The following TESK2 variants were observed in gnomAD, a reference collection of about 807,000 sequenced individuals.
TESK2 encodes testis associated actin remodelling kinase 2, also known as dual specificity testis-specific protein kinase 2.
In TESK2, 39 loss-of-function variants were observed where a neutral mutation model predicts 57.1. The observed-to-expected ratio is 0.68, with a 90% CI of 0.53 to 0.89. The LOEUF (loss-of-function observed/expected upper bound fraction) is 0.89. TESK2 is among the 40% of genes least tolerant of loss of function. The probability of loss-of-function intolerance (pLI) is 0.00; values close to 1 mark genes in which losing one functional copy is unlikely to be tolerated. For synonymous variants in TESK2, 249 were observed against 267.9 expected (o/e 0.93, Z 0.69); for missense variants, 646 against 732.1 (o/e 0.88, Z 1.36).
chr1:45,429,318 C>T (rs896680446), intron 2 of TESK2, among the ~76,000 whole-genome samples: 1 of 152,020 alleles, frequency 6.6e-6, no homozygotes, highest in African/African-American at 2.4e-5. Context: ...ATCGCTTGAA[C>T]CCGAGAGGCA....
intron 2 of TESK2, among the ~76,000 whole-genome samples, chr1:45,437,181 A>G (rs1651266265): frequency 6.6e-6 from 1 of 152,102 alleles, no homozygotes; most frequent in African/African-American, 2.4e-5. Context: ...AATTCTTCCA[A>G]TCCATGAGCA....
At chr1:45,349,915 G>T (rs778689222) in intron 5 of TESK2, among the ~76,000 whole-genome samples, 1 of 152,196 alleles carries the variant, frequency 6.6e-6, no homozygotes, top group Admixed American at 6.5e-5. Context: ...GCCAAGGCAC[G>T]TGGATCACCT....
intron 1 of TESK2, among the ~76,000 whole-genome samples, chr1:45,471,230 C>CA (rs1557586280): frequency 1.3e-5 from 2 of 151,326 alleles, no homozygotes; most frequent in South Asian, 2.1e-4. Context: ...GACTCCGTCT[C>CA]AAAAAAAAGA....
chr1:45,344,879 T>C lies in TESK2; in HGVS notation c.1677A>G (p.Ser559=). 6.2e-7 allele frequency: 1 copy of C among 1,613,634 alleles called. No individual in the cohort carries two copies. Among genetic ancestry groups the C allele is most frequent in the Non-Finnish European group, 8.5e-7 (1 of 1,179,998 alleles). ...AGSTPATFST[S]GIGLQTQGKQ... is the part of the protein sequence containing the mutation. ...TTCCCTGGGTTTGCAGGCCTATGCC[T>C]GAGGTGGAGAAGGTGGCTGGAGTTG... The change falls in exon 11 of 11, where the codon TCA becomes TCG. Residue 559 remains serine (S), a synonymous_variant. Transcript: ENST00000372086.
chr1:45,382,598 C>T (rs376884705), intron 4 of TESK2, among the ~76,000 whole-genome samples: 10 of 152,206 alleles, frequency 6.6e-5, no homozygotes, highest in East Asian at 1.9e-4. Flanking sequence ...TGGCCGGGCG[C>T]GGTGGCTCAC....
chr1:45,368,371 G>T (rs549166063), intron 4 of TESK2, among the ~76,000 whole-genome samples: 13 of 149,290 alleles, frequency 8.7e-5, no homozygotes, highest in Admixed American at 2.0e-4. Context: ...TGTTTTTTTT[G>T]GTTTTCTTTT....
intron 1 of TESK2, among the ~76,000 whole-genome samples, chr1:45,479,551 C>T (rs1344484871): frequency 6.6e-6 from 1 of 151,930 alleles, no homozygotes; most frequent in Non-Finnish European, 1.5e-5. Context: ...CCTGCCTTAC[C>T]CTCCAAAGCA....
chr1:45,415,845 G>T (rs1650217541), intron 3 of TESK2, among the ~76,000 whole-genome samples: 1 of 152,218 alleles, frequency 6.6e-6, no homozygotes, highest in East Asian at 1.9e-4. Context: ...GAGCAAGCTT[G>T]TCCAACCCAC....
intron 4 of TESK2, among the ~76,000 whole-genome samples, chr1:45,365,062 C>T (rs1647851542): frequency 6.6e-6 from 1 of 152,194 alleles, no homozygotes; most frequent in African/African-American, 2.4e-5. Context: ...TGTTGGTAGG[C>T]TCCAAACACA....
intron 7 of TESK2, 145 bp from the exon 8 acceptor site, chr1:45,347,207 G>A: frequency 1.5e-6 from 1 of 661,882 alleles, no homozygotes. Context: ...CAGTCACTGG[G>A]CAGCTGCCAG....
chr1:45,408,093 G>C (rs1325429384), intron 3 of TESK2, among the ~76,000 whole-genome samples: 2 of 152,182 alleles, frequency 1.3e-5, no homozygotes, highest in African/African-American at 2.4e-5. Context: ...AGGTCTCAAG[G>C]CTTCCTTTTT....
At chr1:45,368,426 C>G (rs1648035808) in intron 4 of TESK2, among the ~76,000 whole-genome samples, 1 of 150,838 alleles carries the variant, frequency 6.6e-6, no homozygotes, top group Non-Finnish European at 1.5e-5. Context: ...CCAGGCTGGG[C>G]TGCAGTGGCG....
chr1:45,351,925 A>G (rs1334707128), intron 5 of TESK2, among the ~76,000 whole-genome samples: 1 of 152,254 alleles, frequency 6.6e-6, no homozygotes, highest in Non-Finnish European at 1.5e-5. Context: ...TGGGAGATAC[A>G]GACACAACAG....
At position 45,377,420 on chromosome 1, in the gene TESK2, A is replaced by ATT. The variant is rs752265198; in HGVS notation, c.393+8490_393+8491dup. The stretch of plus-strand genomic sequence containing the variant: ...AAAGGATTCTAATAAGAGAACAAGG[A>ATT]TTTTTTTTTTTTTTTTTTGAGACAG... On this transcript the variant is annotated intron_variant, in intron 4 of 10. Transcript: ENST00000372086. Among the ~76,000 whole-genome samples the ATT allele has an allele frequency of 7.7e-3, 1,042 of 134,688 alleles. 16 individuals are homozygous for ATT. The highest frequency in any genetic ancestry group is 0.019 in the African/African-American group (701 of 36,582). The allele number at this position is 134,688 out of a possible 152,430, so 88.4% of individuals were successfully genotyped here.
intron 1 of TESK2, among the ~76,000 whole-genome samples, chr1:45,469,138 A>G (rs1447289077): frequency 6.6e-6 from 1 of 152,184 alleles, no homozygotes; most frequent in Non-Finnish European, 1.5e-5. Context: ...AAAAGCTTTG[A>G]TTGGGGAAAG....
intron 3 of TESK2, among the ~76,000 whole-genome samples, chr1:45,389,471 G>A (rs967114233): frequency 1.3e-5 from 2 of 152,154 alleles, no homozygotes; most frequent in African/African-American, 4.8e-5. Context: ...TTTGCCATGT[G>A]ATGCCCTGAG....
At position 45,475,209 on chromosome 1, in the gene TESK2, C is replaced by CTTTTTTTTTTTT. The variant is rs375872140; in HGVS notation, c.-87+15631_-87+15642dup. Among the ~76,000 whole-genome samples the CTTTTTTTTTTTT allele has an allele frequency of 3.1e-4, 35 of 113,156 alleles. 1 individual carries two copies. The highest frequency in any genetic ancestry group is 9.4e-4 in the East Asian group (4 of 4,266). The allele number at this position is 113,156 out of a possible 152,430, so 74.2% of individuals were successfully genotyped here. ...GTTAGGTTCCTTGTGTTAGCCTGGC[C>CTTTTTTTTTTTT]TTTTTTTTTTTTTTTTTTTTTGAGT... On this transcript the variant is annotated intron_variant, in intron 1 of 10. Transcript: ENST00000372086.
chr1:45,431,505 T>C lies in TESK2; in HGVS notation c.223-9659A>G, dbSNP rs543734845. On this transcript the variant is annotated intron_variant, in intron 2 of 10. Coordinates refer to ENST00000372086, the MANE Select transcript of TESK2 (RefSeq NM_007170.3). The stretch of plus-strand genomic sequence containing the variant: ...TTCTTGATGAAATTGTACTTTTTAC[T>C]TCCCCCTTATTATAGCCTGGAACAA... Among the ~76,000 whole-genome samples, 370 of 152,262 alleles carry C rather than the reference T, an allele frequency of 2.4e-3. 15 individuals carry two copies. The South Asian group carries it at 0.071, about 29-fold the overall frequency.
At chr1:45,436,606 C>A (rs1376334407) in intron 2 of TESK2, among the ~76,000 whole-genome samples, 1 of 150,214 alleles carries the variant, frequency 6.7e-6, no homozygotes, top group Non-Finnish European at 1.5e-5. Flanking sequence ...TCTCCTACCT[C>A]CCCTCCCGAG....
Sources: allele counts gnomAD v4.1 joint callset (sites outside exome capture counted in the v4.1 genomes callset), GRCh38; gene constraint gnomAD v4.1.1; transcripts MANE v1.5; gene names NCBI Gene and HGNC (gene_info 2026-07-23, HGNC 2026-07-21).